VIPR2: variants seen among roughly 807,000 people sequenced by gnomAD.
The protein encoded by VIPR2 is vasoactive intestinal peptide receptor 2.
Under a neutral mutation model 58.0 loss-of-function variants are expected in VIPR2, and 48 were observed. The ratio of observed to expected loss-of-function variants is 0.83; its 90% CI spans 0.66 to 1.05. The LOEUF (loss-of-function observed/expected upper bound fraction) is 1.05. VIPR2 is among the 50% of genes least tolerant of loss of function. The probability of loss-of-function intolerance (pLI) is 0.00; values close to 1 mark genes in which losing one functional copy is unlikely to be tolerated. For missense variants in VIPR2, 534 were observed against 558.0 expected (o/e 0.96, Z 0.43); for synonymous variants, 243 against 235.2 (o/e 1.03, Z -0.30).
At position 159,036,014 on chromosome 7, in the gene VIPR2, T is replaced by A; in HGVS notation, c.749-2A>T. On this transcript the variant is annotated splice_acceptor_variant, in intron 7 of 12. Transcript: ENST00000262178. LOFTEE classifies it high-confidence loss of function. Reference sequence around the variant, plus strand: ...CACCGATGCAGACGGTGGGGAGGCCTGCAGAGAGACGCCTGGTTACACAGG... The same window carrying A: ...CACCGATGCAGACGGTGGGGAGGCCAGCAGAGAGACGCCTGGTTACACAGG... 6.2e-7 allele frequency: 1 copy of A among 1,612,842 alleles called. No homozygotes were observed. The highest frequency in any genetic ancestry group is 8.5e-7 in the Non-Finnish European group (1 of 1,179,580).
intron 5 of VIPR2, among the ~76,000 whole-genome samples, chr7:159,050,352 AAC>A (rs1406359298): frequency 7.9e-5 from 4 of 50,508 alleles, no homozygotes; most frequent in East Asian, 2.5e-3. Flanking sequence ...AACACAAAAA[AAC>A]AAAAAAAAAA....
intron 4 of VIPR2, among the ~76,000 whole-genome samples, chr7:159,066,299 G>A (rs2129494377): frequency 6.6e-6 from 1 of 151,486 alleles, no homozygotes; most frequent in African/African-American, 2.4e-5. Flanking sequence ...GCCTGCTCCC[G>A]CGGCGTCCGT....
At chr7:159,121,151 C>A (rs1266821652) in intron 2 of VIPR2, among the ~76,000 whole-genome samples, 1 of 152,174 alleles carries the variant, frequency 6.6e-6, no homozygotes, top group Non-Finnish European at 1.5e-5. Flanking sequence ...TGCTCCTGAC[C>A]TGCTCAGGAG....
At chr7:159,037,402 T>G (rs1268410114) in intron 6 of VIPR2, among the ~76,000 whole-genome samples, 1 of 152,206 alleles carries the variant, frequency 6.6e-6, no homozygotes, top group Non-Finnish European at 1.5e-5. Context: ...TGTCCCTTTG[T>G]GTGAACAGAA....
intron 2 of VIPR2, among the ~76,000 whole-genome samples, chr7:159,114,584 A>T (rs1467008461): frequency 6.6e-6 from 1 of 151,752 alleles, no homozygotes; most frequent in East Asian, 1.9e-4. Context: ...ATTTTTTAAA[A>T]CCCTAAATAA....
chr7:159,096,786 T>C lies in VIPR2; in HGVS notation c.357+6971A>G. ...GATTTCTGCCCCTGCCTGAGGTCAG[T>C]CTCGTGGCCCCCGCAGCAGCCACAG... is the stretch of plus-strand genomic sequence containing the variant. On this transcript the variant is annotated intron_variant, in intron 4 of 12. Transcript: ENST00000262178. The surrounding 1 kb of genome is among the most constrained non-coding windows in gnomAD (Gnocchi z 5.5). 5 of 1,421,566 alleles carry C rather than the reference T, an allele frequency of 3.5e-6. No homozygotes were observed. Among genetic ancestry groups the C allele is most frequent in the Non-Finnish European group, 4.6e-6 (5 of 1,082,338 alleles). The allele number at this position is 1,421,566 out of a possible 1,614,324, so 88.1% of individuals were successfully genotyped here.
At chr7:159,035,668 G>A in intron 8 of VIPR2, 1 of 982,676 alleles carries the variant, frequency 1.0e-6, no homozygotes, top group Non-Finnish European at 1.2e-6. Flanking sequence ...GGACATCGCT[G>A]TGCCCACCGC....
chr7:159,058,312 T>C (rs1436179567), intron 5 of VIPR2, among the ~76,000 whole-genome samples, 169 bp downstream of exon 5: 2 of 152,226 alleles, frequency 1.3e-5, no homozygotes, highest in Non-Finnish European at 2.9e-5. Flanking sequence ...ATGCAGAGTA[T>C]TTAAATAAAA....
chr7:159,102,594 A>G (rs1418616578), intron 4 of VIPR2, among the ~76,000 whole-genome samples: 1 of 152,182 alleles, frequency 6.6e-6, no homozygotes, highest in African/African-American at 2.4e-5. Context: ...AGAGTTGTGA[A>G]TCTTAGAGAA....
At position 159,090,283 on chromosome 7, in the gene VIPR2, C is replaced by T. The variant is rs571632701; in HGVS notation, c.357+13474G>A. Among the ~76,000 whole-genome samples the T allele has an allele frequency of 1.8e-4, 17 of 96,604 alleles. No individual in the cohort carries two copies. The East Asian group carries it at 3.1e-3, about 18-fold the overall frequency. The allele number at this position is 96,604 out of a possible 152,430, so 63.4% of individuals were successfully genotyped here. On this transcript the variant is annotated intron_variant, in intron 4 of 12. Coordinates refer to ENST00000262178, the MANE Select transcript of VIPR2 (RefSeq NM_003382.5). ...CCTCAGCACAGACATGCTGGGACCA[C>T]GCACAGGGGCCACCTCCTGCGACCA...
chr7:159,109,686 C>A lies in VIPR2; in HGVS notation c.259+126G>T, dbSNP rs1329036954. ...CTCACCCCAATATGCCACAGCTGTT[C>A]CCTGACCCCCAGGGTAGCAGGAGAT... On this transcript the variant is annotated intron_variant, in intron 3 of 12. Transcript: ENST00000262178. 1.4e-5 allele frequency: 12 copies of A among 857,656 alleles called. No homozygotes were observed. In the East Asian group the frequency reaches 2.8e-4, roughly 20 times the overall value. 53.1% of individuals were successfully genotyped at this position (857,656 alleles called of 1,614,324 possible).
At chr7:159,083,657 G>A (rs1010738280) in intron 4 of VIPR2, among the ~76,000 whole-genome samples, 6 of 152,200 alleles carry the variant, frequency 3.9e-5, no homozygotes, top group South Asian at 2.1e-4. Flanking sequence ...GCACAGCCCC[G>A]TTCTCTCGAG....
At chr7:159,125,568 T>G (rs1187766331) in intron 2 of VIPR2, among the ~76,000 whole-genome samples, 3 of 152,222 alleles carry the variant, frequency 2.0e-5, no homozygotes, top group African/African-American at 7.2e-5. Context: ...CAGAAAATTC[T>G]CCGGTATGTC....
chr7:159,083,297 G>T (rs962556084), intron 4 of VIPR2, among the ~76,000 whole-genome samples: 1 of 152,196 alleles, frequency 6.6e-6, no homozygotes, highest in Non-Finnish European at 1.5e-5. Context: ...GCTTCATCCG[G>T]AACCTTATGG....
intron 2 of VIPR2, among the ~76,000 whole-genome samples, chr7:159,134,959 T>G: frequency 6.7e-6 from 1 of 149,794 alleles, no homozygotes; most frequent in East Asian, 2.0e-4. Flanking sequence ...GCCTGGCCAA[T>G]AGGACAATAT....
rs3838701 is a variant in VIPR2 at position 159,095,816 on chromosome 7, C to CT, written c.357+7940dup. Among the ~76,000 whole-genome samples the CT allele has an allele frequency of 6.6e-6, 1 of 150,402 alleles. No homozygotes were observed. The highest frequency in any genetic ancestry group is 1.5e-5 in the Non-Finnish European group (1 of 67,458). ...ATCCCTTCAAAACTCTTCCTTCTCT[C>CT]TTTTTTTTTTAAGTCTTTAACAGAC... On this transcript the variant is annotated intron_variant, in intron 4 of 12. Coordinates refer to ENST00000262178, the MANE Select transcript of VIPR2 (RefSeq NM_003382.5). This position sits in a 1 kb window ranked among gnomAD's most constrained non-coding sequence, Gnocchi z 5.2.
intron 4 of VIPR2, among the ~76,000 whole-genome samples, chr7:159,063,762 G>A (rs1014469609): frequency 2.2e-5 from 3 of 136,672 alleles, no homozygotes; most frequent in Non-Finnish European, 4.6e-5. Context: ...GGGACCTGGC[G>A]GGGTCTGGGA....
intron 6 of VIPR2, 87 bp from the exon 7 acceptor site, chr7:159,036,989 G>A (rs570429614): frequency 2.7e-6 from 4 of 1,478,146 alleles, no homozygotes; most frequent in Admixed American, 3.9e-5. Flanking sequence ...AGGACACAGG[G>A]CGCTTGGTAT....
intron 5 of VIPR2, among the ~76,000 whole-genome samples, chr7:159,048,281 C>T (rs1854771708): frequency 6.6e-6 from 1 of 152,116 alleles, no homozygotes. Context: ...AATTTGCAAA[C>T]AAAGGTGCTT....
Sources: allele counts gnomAD v4.1 joint callset (sites outside exome capture counted in the v4.1 genomes callset), GRCh38; gene constraint gnomAD v4.1.1; non-coding constraint Gnocchi (gnomAD v3.1); transcripts MANE v1.5; gene names NCBI Gene and HGNC (gene_info 2026-07-23, HGNC 2026-07-21).